The following RHOBTB1 variants were observed in gnomAD, a reference collection of about 807,000 sequenced individuals.
The protein encoded by RHOBTB1 is Rho related BTB domain containing 1.
Under a neutral mutation model 71.6 loss-of-function variants are expected in RHOBTB1, and 40 were observed. The ratio of observed to expected loss-of-function variants is 0.56; its 90% CI spans 0.43 to 0.73. The LOEUF is 0.73. RHOBTB1 is among the 30% of genes least tolerant of loss of function. RHOBTB1 has a pLI of 0.00. For missense variants in RHOBTB1, 797 were observed against 894.0 expected (o/e 0.89, Z 1.38); for synonymous variants, 319 against 334.9 (o/e 0.95, Z 0.52).
At chr10:60,967,278 T>C (rs1236457179) in intron 2 of RHOBTB1, among the ~76,000 whole-genome samples, 3 of 151,146 alleles carry the variant, frequency 2.0e-5, no homozygotes, top group African/African-American at 7.3e-5. Context: ...TTTTTCTTTG[T>C]TTGCCTGTTT....
chr10:60,970,619 T>C (rs2086120488), intron 2 of RHOBTB1, among the ~76,000 whole-genome samples: 1 of 152,140 alleles, frequency 6.6e-6, no homozygotes, highest in Admixed American at 6.6e-5. Context: ...GTAGCATAAT[T>C]ATTTTCGCAT....
At chr10:60,924,674 T>A (rs1168869560) in intron 2 of RHOBTB1, among the ~76,000 whole-genome samples, 2 of 152,142 alleles carry the variant, frequency 1.3e-5, no homozygotes, top group Non-Finnish European at 2.9e-5. Context: ...GAACATTTCA[T>A]CCAACAGTTG....
At chr10:60,888,190 C>T (rs1364020586) in intron 6 of RHOBTB1, 22 bp downstream of exon 6, 2 of 1,598,828 alleles carry the variant, frequency 1.3e-6, no homozygotes, top group Non-Finnish European at 8.5e-7. Context: ...GTATTAATGG[C>T]TCTGCCCCGC....
At chr10:60,915,854 C>T (rs1279974849) in intron 2 of RHOBTB1, among the ~76,000 whole-genome samples, 2 of 152,174 alleles carry the variant, frequency 1.3e-5, no homozygotes, top group African/African-American at 2.4e-5. Context: ...CAGGATGGTG[C>T]AGCCCACATC....
At chr10:60,861,980 G>T in the RHOBTB1 span, among the ~76,000 whole-genome samples, 1 of 152,148 alleles carries the variant, frequency 6.6e-6, no homozygotes, top group East Asian at 1.9e-4. Flanking sequence ...GGCAGTTGGA[G>T]CTGGAGAAGA....
At chr10:60,997,771 A>T (rs776908879) in intron 1 of RHOBTB1, among the ~76,000 whole-genome samples, 1 of 152,246 alleles carries the variant, frequency 6.6e-6, no homozygotes, top group East Asian at 1.9e-4. Flanking sequence ...TAGGTTATAC[A>T]TACTAAGATG....
In RHOBTB1 at chr10:60,973,498, A is replaced by G. The variant is rs567953685; in HGVS notation, c.-62+12347T>C. On this transcript the variant is annotated intron_variant, in intron 2 of 11. Coordinates refer to the RHOBTB1 transcript ENST00000357917. ...ACTTCATTTCTGAAGGAATTCTGAA[A>G]AAAGTAATTTAGGGATTACATCATA... 7.9e-5 allele frequency among the ~76,000 whole-genome samples: 12 copies of G among 152,198 alleles called. No individual in the cohort carries two copies. The South Asian group carries it at 2.3e-3, about 29-fold the overall frequency.
chr10:60,871,707 T>A, intron 10 of RHOBTB1, 56 bp from the exon 11 acceptor site: 1 of 1,517,124 alleles, frequency 6.6e-7, no homozygotes, highest in Non-Finnish European at 9.0e-7. Context: ...GCCTTTTATG[T>A]GCTAGGCCTT....
At chr10:60,902,432 T>C (rs2082455219) in intron 4 of RHOBTB1, among the ~76,000 whole-genome samples, 1 of 152,208 alleles carries the variant, frequency 6.6e-6, no homozygotes, top group Non-Finnish European at 1.5e-5. Flanking sequence ...TTTCTCTATA[T>C]AATTATTCTT....
chr10:61,001,084 G>A (rs1250412332), intron 1 of RHOBTB1, among the ~76,000 whole-genome samples: 1 of 151,898 alleles, frequency 6.6e-6, no homozygotes, highest in Non-Finnish European at 1.5e-5. Context: ...GCACGCGTGT[G>A]TGTGTGTGTG....
intron 6 of RHOBTB1, 54 bp downstream of exon 6, chr10:60,888,158 G>C: frequency 6.4e-7 from 1 of 1,553,724 alleles, no homozygotes; most frequent in African/African-American, 1.4e-5. Context: ...TCTGGCTAAC[G>C]TTCAATGAAA....
chr10:60,928,410 A>G (rs2084020714), intron 2 of RHOBTB1, among the ~76,000 whole-genome samples: 1 of 152,102 alleles, frequency 6.6e-6, no homozygotes, highest in South Asian at 2.1e-4. Context: ...AATAACCAAG[A>G]TATGGAATAA....
chr10:60,875,165 G>A (rs1477325557), intron 8 of RHOBTB1, 123 bp from the exon 9 acceptor site: 2 of 689,536 alleles, frequency 2.9e-6, no homozygotes, highest in African/African-American at 1.8e-5. Flanking sequence ...CTCTGGGCAG[G>A]CATCTGAATT....
intron 4 of RHOBTB1, among the ~76,000 whole-genome samples, chr10:60,908,501 A>C (rs1038140271): frequency 2.0e-5 from 3 of 152,206 alleles, no homozygotes; most frequent in African/African-American, 7.2e-5. Flanking sequence ...TTGCAAAAAC[A>C]AAAAAGGTTT....
At chr10:60,931,399 A>C (rs143710312) in intron 2 of RHOBTB1, among the ~76,000 whole-genome samples, 109 of 152,176 alleles carry the variant, frequency 7.2e-4, no homozygotes, top group African/African-American at 2.5e-3. Context: ...AGATTTTCCT[A>C]TTCTGGACAC....
At chr10:60,871,905 G>T in intron 10 of RHOBTB1, 1 of 603,770 alleles carries the variant, frequency 1.7e-6, no homozygotes, top group Non-Finnish European at 2.9e-6. Context: ...TCCTAAGCTT[G>T]TCTCCCTAAA....
In RHOBTB1 at chr10:60,959,989, CATA is replaced by C. The variant is rs1480052672; in HGVS notation, c.-61-18138_-61-18136del. On this transcript the variant is annotated intron_variant, in intron 2 of 11. Coordinates refer to the RHOBTB1 transcript ENST00000357917. Reference sequence around the variant, plus strand: ...ATTGAGCTATTAAGCTCTAAAATGCCATAATAATAAACAGTAGGCTGGAAATAC... The same window carrying C: ...ATTGAGCTATTAAGCTCTAAAATGCCATAATAAACAGTAGGCTGGAAATAC... Among the ~76,000 whole-genome samples the C allele has an allele frequency of 4.6e-5, 7 of 152,200 alleles. No individual in the cohort carries two copies. The East Asian group carries it at 1.4e-3, about 29-fold the overall frequency.
At chr10:60,955,043 CTTTTTTTT>C (rs34012455) in intron 2 of RHOBTB1, among the ~76,000 whole-genome samples, 1 of 112,838 alleles carries the variant, frequency 8.9e-6, no homozygotes, top group Non-Finnish European at 1.8e-5. Flanking sequence ...TTCTTTCTTT[CTTTTTTTT>C]TTTTTTTTTT....
At chr10:60,981,976 A>G (rs2086511294) in intron 2 of RHOBTB1, among the ~76,000 whole-genome samples, 2 of 152,108 alleles carry the variant, frequency 1.3e-5, no homozygotes, top group African/African-American at 4.8e-5. Flanking sequence ...GCACCATGTT[A>G]GCCAGGCTGG....
Sources: allele counts gnomAD v4.1 joint callset (sites outside exome capture counted in the v4.1 genomes callset), GRCh38; gene constraint gnomAD v4.1.1; transcripts MANE v1.5; gene names NCBI Gene and HGNC (gene_info 2026-07-23, HGNC 2026-07-21).